Variants in CBLB observed in about 807,000 individuals in gnomAD.
CBLB encodes Cbl proto-oncogene B.
In CBLB, 31 loss-of-function variants were observed where a neutral mutation model predicts 104.9. The ratio of observed to expected loss-of-function variants is 0.30; its 90% CI spans 0.22 to 0.40. The LOEUF (loss-of-function observed/expected upper bound fraction) is 0.40, where lower values mean the gene tolerates loss of function less well. Ranked by LOEUF, CBLB falls within the 10% of genes least tolerant of loss-of-function variation. CBLB has a pLI of 1.00. For missense variants in CBLB, 1,062 were observed against 1,214.6 expected, an observed-to-expected ratio of 0.87 and a Z score of 1.87; for synonymous variants, 440 against 422.6, an observed-to-expected ratio of 1.04 and a Z score of -0.51.
chr3:105,704,775 G>C (rs1261451734), intron 10 of CBLB, among the ~76,000 whole-genome samples: 1 of 150,550 alleles, frequency 6.6e-6, no homozygotes, highest in Admixed American at 6.7e-5. Context: ...ACTATATCTA[G>C]GAAAGTCTGT....
intron 10 of CBLB, among the ~76,000 whole-genome samples, chr3:105,717,911 AG>A (rs2072154735): frequency 6.6e-6 from 1 of 152,188 alleles, no homozygotes; most frequent in Non-Finnish European, 1.5e-5. Context: ...CTAGGTTCTT[AG>A]GTCCTTGATC....
At chr3:105,857,247 T>G (rs955973957) in intron 2 of CBLB, among the ~76,000 whole-genome samples, 3 of 152,204 alleles carry the variant, frequency 2.0e-5, no homozygotes, top group Non-Finnish European at 4.4e-5. Context: ...TTATCTGAAC[T>G]TTTTTCTCAT....
At chr3:105,746,924 T>C (rs1267846578) in intron 5 of CBLB, among the ~76,000 whole-genome samples, 1 of 152,214 alleles carries the variant, frequency 6.6e-6, no homozygotes, top group African/African-American at 2.4e-5. Flanking sequence ...GTGACTTGTG[T>C]AAAAGGCTAG....
intron 4 of CBLB, 150 bp downstream of exon 4, chr3:105,776,246 A>C: frequency 1.6e-6 from 1 of 641,570 alleles, no homozygotes; most frequent in Non-Finnish European, 2.6e-6. Context: ...TGGTGACTAT[A>C]AAAATTACCA....
intron 3 of CBLB, among the ~76,000 whole-genome samples, chr3:105,840,804 C>T (rs1274579676): frequency 2.0e-5 from 3 of 150,968 alleles, no homozygotes; most frequent in Admixed American, 2.0e-4. Context: ...CCTACTGAAA[C>T]CAATTATTTG....
chr3:105,776,653 G>A (rs2079511919), intron 3 of CBLB, 111 bp from the exon 4 acceptor site: 1 of 1,001,288 alleles, frequency 1.0e-6, no homozygotes, highest in Non-Finnish European at 1.5e-6. Flanking sequence ...ATCAACGTAT[G>A]TCTTGGTGGT....
At chr3:105,715,732 T>C (rs2071758047) in intron 10 of CBLB, among the ~76,000 whole-genome samples, 1 of 152,092 alleles carries the variant, frequency 6.6e-6, no homozygotes. Flanking sequence ...ATAAAATGTT[T>C]TAAAAATAAA....
chr3:105,681,894 C>G, intron 14 of CBLB, 76 bp from the exon 15 acceptor site: 1 of 839,326 alleles, frequency 1.2e-6, no homozygotes, highest in South Asian at 1.4e-5. Flanking sequence ...GTAGAGGGAA[C>G]TAGTATTCCT....
chr3:105,847,392 CCACACACACACACACACA>C (rs112192218), intron 3 of CBLB, among the ~76,000 whole-genome samples: 5 of 143,438 alleles, frequency 3.5e-5, no homozygotes, highest in African/African-American at 1.3e-4. Context: ...TAACCCTCCA[CCACACACACACACACACA>C]CACACACACA....
At chr3:105,751,995 T>A (rs1263037781) in intron 4 of CBLB, among the ~76,000 whole-genome samples, 1 of 152,188 alleles carries the variant, frequency 6.6e-6, no homozygotes, top group Non-Finnish European at 1.5e-5. Context: ...CTAAAAACAG[T>A]CATAAGATGA....
At chr3:105,708,877 A>G (rs1232073819) in intron 10 of CBLB, among the ~76,000 whole-genome samples, 2 of 152,016 alleles carry the variant, frequency 1.3e-5, no homozygotes, top group Non-Finnish European at 2.9e-5. Flanking sequence ...AATTGTTAGG[A>G]AAATGGATTA....
In CBLB at chr3:105,691,991, T is replaced by C. The variant is rs537618276; in HGVS notation, c.2054+1503A>G. On this transcript the variant is annotated intron_variant, in intron 13 of 18. Coordinates refer to ENST00000394030, the MANE Select transcript of CBLB (RefSeq NM_170662.5). Reference sequence around the variant, plus strand: ...ACTAAGTTAGCATTATAAATGTTAGTGCACACCATTCTCTAATGATTTCAT... The same window carrying C: ...ACTAAGTTAGCATTATAAATGTTAGCGCACACCATTCTCTAATGATTTCAT... Among the ~76,000 whole-genome samples the C allele has an allele frequency of 1.0e-3, 155 of 152,352 alleles. 2 individuals are homozygous for C. The highest frequency in any genetic ancestry group is 3.4e-3 in the African/African-American group (140 of 41,588).
intron 16 of CBLB, among the ~76,000 whole-genome samples, chr3:105,679,856 T>C (rs546184464): frequency 1.3e-5 from 2 of 152,342 alleles, no homozygotes; most frequent in African/African-American, 4.8e-5. Context: ...ATTTTTCTTA[T>C]TAACACATCT....
Position 105,752,894 on chromosome 3 carries a change from T to C in CBLB, c.567-1276A>G, listed in dbSNP as rs116007105. 2.4e-3 allele frequency among the ~76,000 whole-genome samples: 360 copies of C among 152,344 alleles called. 4 individuals carry two copies. Among genetic ancestry groups the C allele is most frequent in the African/African-American group, 8.3e-3 (346 of 41,580 alleles). On this transcript the variant is annotated intron_variant, in intron 4 of 18. Coordinates refer to ENST00000394030, the MANE Select transcript of CBLB (RefSeq NM_170662.5). ...TCCCTGAGGCTGCTGCTGCTGCTGC[T>C]GCTCTAGAGACAACACTTTGAGAGC...
In CBLB at chr3:105,776,522, G is replaced by C; in HGVS notation, c.440C>G (p.Ser147Cys). 1.2e-6 allele frequency: 2 copies of C among 1,613,782 alleles called. No individual in the cohort carries two copies. Among genetic ancestry groups the C allele is most frequent in the Non-Finnish European group, 1.7e-6 (2 of 1,179,894 alleles). Residue 147 changes from serine to cysteine, a missense_variant, in exon 4 of 19, where the codon TCC becomes TGC. Around this residue, in one of 2 missense-constraint regions of CBLB, gnomAD observed 457 missense variants for 632.0 expected, o/e 0.72. Transcript: ENST00000394030. ...SQDRRNLTKL[S>C]LIFSHMLAEI... The stretch of plus-strand genomic sequence containing the variant: ...TGCCAGCATGTGACTGAAGATAAGG[G>C]ACAGTTTTGTGAGATTTCGTCTGTA...
Position 105,708,309 on chromosome 3 carries a change from T to C in CBLB, c.1408-4136A>G, listed in dbSNP as rs557972637. Among the ~76,000 whole-genome samples, 13 of 152,242 alleles carry C rather than the reference T, an allele frequency of 8.5e-5. 1 individual carries two copies. Among genetic ancestry groups the C allele is most frequent in the South Asian group, 4.1e-4 (2 of 4,828 alleles). ...TTCTAAGACTGTGAACTGTGCTAAT[T>C]ATCACTTACTGATTTGTCCACTGTT... On this transcript the variant is annotated intron_variant, in intron 10 of 18. Transcript: ENST00000394030.
intron 10 of CBLB, among the ~76,000 whole-genome samples, chr3:105,716,547 G>C (rs1018806250): frequency 6.6e-6 from 1 of 152,046 alleles, no homozygotes; most frequent in African/African-American, 2.4e-5. Flanking sequence ...AATTATGCTT[G>C]TATCTATATA....
rs552462990 is a variant in CBLB, at chr3:105,837,199, C to T, written c.419+16215G>A. Among the ~76,000 whole-genome samples, 86 of 152,328 alleles carry T rather than the reference C, an allele frequency of 5.6e-4. 3 individuals carry two copies. In the South Asian group the frequency reaches 0.016, roughly 28 times the overall value. Reference sequence around the variant, plus strand: ...TAAGACTTAAAAAACATTGTGCACGCGTATTAATGCACTGCCTCAAGAGTC... The same window carrying T: ...TAAGACTTAAAAAACATTGTGCACGTGTATTAATGCACTGCCTCAAGAGTC... On this transcript the variant is annotated intron_variant, in intron 3 of 18. Coordinates refer to ENST00000394030, the MANE Select transcript of CBLB (RefSeq NM_170662.5).
At chr3:105,811,540 T>A (rs1242498105) in intron 3 of CBLB, among the ~76,000 whole-genome samples, 4 of 152,212 alleles carry the variant, frequency 2.6e-5, no homozygotes, top group African/African-American at 9.6e-5. Flanking sequence ...GCTCTGTGGA[T>A]GACAGTAATG....
Sources: gnomAD v4.1 joint callset for allele counts (sites outside exome capture counted in the v4.1 genomes callset) on GRCh38, gnomAD v4.1.1 for gene constraint, gnomAD v4.1.1 regional missense constraint, MANE v1.5 for transcripts, NCBI Gene and HGNC (gene_info 2026-07-23, HGNC 2026-07-21) for gene names.